Variants in AGXT2 observed in about 807,000 individuals in gnomAD.
The protein encoded by AGXT2 is alanine--glyoxylate aminotransferase 2, mitochondrial.
Under a neutral mutation model 62.5 loss-of-function variants are expected in AGXT2, and 61 were observed. The ratio of observed to expected loss-of-function variants is 0.98; its 90% CI spans 0.79 to 1.21. AGXT2 has a LOEUF of 1.21. Ranked by LOEUF, AGXT2 falls within the 50% of genes most tolerant of loss-of-function variation. The pLI, the probability that AGXT2 is intolerant of heterozygous loss-of-function variation, is 0.00. For missense variants in AGXT2, 666 were observed against 641.5 expected (o/e 1.04, Z -0.41); for synonymous variants, 243 against 218.7 (o/e 1.11, Z -0.98).
At chr5:35,029,500 C>T (rs1767483310) in intron 7 of AGXT2, among the ~76,000 whole-genome samples, 1 of 152,184 alleles carries the variant, frequency 6.6e-6, no homozygotes, top group East Asian at 1.9e-4. Flanking sequence ...TGCATTGACT[C>T]ATTGATGTAA....
At chr5:35,016,428 TAAG>T (rs2112210160) in intron 9 of AGXT2, among the ~76,000 whole-genome samples, 1 of 152,286 alleles carries the variant, frequency 6.6e-6, no homozygotes, top group South Asian at 2.1e-4. Flanking sequence ...CCTGAGGAGA[TAAG>T]AAGGATGAAC....
At chr5:35,026,633 G>A (rs1767364972) in intron 7 of AGXT2, 123 bp from the exon 8 acceptor site, 5 of 1,026,844 alleles carry the variant, frequency 4.9e-6, no homozygotes, top group Admixed American at 2.2e-5. Context: ...GTTAATCAGG[G>A]ACTTCAGAAT....
intron 12 of AGXT2, among the ~76,000 whole-genome samples, chr5:35,007,536 T>A (rs903447701): frequency 1.2e-4 from 19 of 152,142 alleles, no homozygotes; most frequent in African/African-American, 1.9e-4. Flanking sequence ...GGGAGAATAC[T>A]GTGTTCCATG....
chr5:35,047,887 A>G lies in AGXT2; in HGVS notation c.6T>C (p.Thr2=), dbSNP rs775704074. 2.5e-6 allele frequency: 4 copies of G among 1,613,900 alleles called. No homozygotes were observed. Among genetic ancestry groups the G allele is most frequent in the African/African-American group, 1.3e-5 (1 of 74,880 alleles). Residue 2 remains threonine (T), a synonymous_variant, in exon 1 of 14, where the codon ACT becomes ACC. Coordinates refer to ENST00000231420, the MANE Select transcript of AGXT2 (RefSeq NM_031900.4). M[T]LIWRHLLRPL... ...GTCTCAGCAAATGTCTCCAGATTAG[A>G]GTCATTTCTCCCACTCAGAAAGCCA... is the stretch of plus-strand genomic sequence containing the variant.
intron 7 of AGXT2, among the ~76,000 whole-genome samples, chr5:35,027,755 G>GCTT (rs1408795703): frequency 6.6e-6 from 1 of 151,028 alleles, no homozygotes; most frequent in African/African-American, 2.4e-5. Context: ...TGAGTTTGCA[G>GCTT]CTTCCAAGTG....
At chr5:35,017,323 T>C (rs972509623) in intron 9 of AGXT2, among the ~76,000 whole-genome samples, 2 of 152,160 alleles carry the variant, frequency 1.3e-5, no homozygotes, top group Non-Finnish European at 2.9e-5. Flanking sequence ...CATTCACTTA[T>C]ATTTAAAATG....
intron 7 of AGXT2, among the ~76,000 whole-genome samples, chr5:35,029,563 G>A (rs1015146457): frequency 6.6e-6 from 1 of 152,246 alleles, no homozygotes; most frequent in African/African-American, 2.4e-5. Flanking sequence ...ACCCCAAGCG[G>A]GTGGAGACAG....
rs752126134 is a variant in AGXT2 at position 35,010,005 on chromosome 5, C to T, written c.1333G>A (p.Asp445Asn). Residue 445 changes from aspartate (D) to asparagine (N), a missense_variant, in exon 12 of 14, where the codon GAT (aspartate) becomes AAT (asparagine). Physicochemically the swap from Asp to Asn is conservative, Grantham distance 23. Coordinates refer to ENST00000231420, the MANE Select transcript of AGXT2 (RefSeq NM_031900.4). ...AGGGGCAGATTAGCACCTACCTTAT[C>T]CTGCACCATTTCTATGCCTATCATG... ...GLMIGIEMVQ[D>N]KISCRPLPRE... 7 of 1,614,204 alleles carry T rather than the reference C, an allele frequency of 4.3e-6. No individual in the cohort carries two copies. The highest frequency in any genetic ancestry group is 5.9e-6 in the Non-Finnish European group (7 of 1,180,034).
rs1306100938 is a variant in AGXT2, at chr5:34,999,903, GC to G, written c.1438-1078del. Among the ~76,000 whole-genome samples, 6 of 152,026 alleles carry G rather than the reference GC, an allele frequency of 3.9e-5. No homozygotes were observed. In the South Asian group the frequency reaches 6.2e-4, roughly 16 times the overall value. On this transcript the variant is annotated intron_variant, in intron 13 of 13. Transcript: ENST00000231420. ...TCCCATCTCCTTCACTCCAGGAAAC[GC>G]CCCTTCAACTTCCCCTTAGCCTATA... is the stretch of plus-strand genomic sequence containing the variant.
At chr5:35,013,771 A>G (rs1394915868) in intron 10 of AGXT2, among the ~76,000 whole-genome samples, 1 of 138,774 alleles carries the variant, frequency 7.2e-6, no homozygotes, top group East Asian at 2.0e-4. Flanking sequence ...TGACAGAGCA[A>G]GACTCTGTCT....
chr5:35,033,423 G>A (rs748094343), intron 6 of AGXT2, 37 bp downstream of exon 6: 2 of 1,483,488 alleles, frequency 1.3e-6, no homozygotes, highest in Non-Finnish European at 1.9e-6. Flanking sequence ...ATACCCAGCA[G>A]TCTTTAAAGA....
At chr5:35,045,768 T>C (rs886526633) in intron 1 of AGXT2, among the ~76,000 whole-genome samples, 7 of 38,050 alleles carry the variant, frequency 1.8e-4, no homozygotes, top group Admixed American at 4.7e-4. Flanking sequence ...TTTTTTCTTT[T>C]TTTTTTTTTT....
At chr5:35,020,976 G>T (rs1406028435) in intron 9 of AGXT2, among the ~76,000 whole-genome samples, 1 of 152,168 alleles carries the variant, frequency 6.6e-6, no homozygotes. Flanking sequence ...ATTCACAATT[G>T]CTTCAAAGAG....
At position 35,026,425 on chromosome 5, in the gene AGXT2, G is replaced by T. The variant is rs533299831; in HGVS notation, c.855C>A (p.Phe285Leu). 6.2e-7 allele frequency: 1 copy of T among 1,613,928 alleles called. No homozygotes were observed. Among genetic ancestry groups the T allele is most frequent in the Non-Finnish European group, 8.5e-7 (1 of 1,179,882 alleles). ...ATATACCCACTTGAATAGGTTCTGC[G>T]AAAAATCCAGCAATTGACTTGGCCA... is the stretch of plus-strand genomic sequence containing the variant. ...TSVAKSIAGF[F>L]AEPIQGVNGV... The change falls in exon 8 of 14, where the codon TTC (phenylalanine) becomes TTA (leucine). Residue 285 changes from phenylalanine (F) to leucine (L), a missense_variant. Transcript: ENST00000231420.
intron 7 of AGXT2, 131 bp downstream of exon 7, chr5:35,032,601 G>C (rs900878436): frequency 2.4e-6 from 2 of 847,320 alleles, no homozygotes; most frequent in African/African-American, 3.4e-5. Flanking sequence ...TTACTTTCCA[G>C]TTTTGCTTCC....
intron 4 of AGXT2, among the ~76,000 whole-genome samples, chr5:35,035,602 G>GGGA (rs2307663): frequency 0.94 from 142,499 of 152,040 alleles, 67,265 homozygotes; most frequent in Non-Finnish European, 1. Flanking sequence ...AAAATGCCAA[G>GGGA]GGAGACTTGC....
chr5:35,047,311 C>T (rs1180867614), intron 1 of AGXT2, among the ~76,000 whole-genome samples: 1 of 152,134 alleles, frequency 6.6e-6, no homozygotes, highest in Non-Finnish European at 1.5e-5. Context: ...GGCATGGTGG[C>T]ATGTGCCTAT....
At chr5:35,016,893 G>T (rs570412836) in intron 9 of AGXT2, among the ~76,000 whole-genome samples, 2 of 152,350 alleles carry the variant, frequency 1.3e-5, no homozygotes, top group Middle Eastern at 6.8e-3. Context: ...AGAAGCATAT[G>T]TTAGGGACAG....
intron 13 of AGXT2, among the ~76,000 whole-genome samples, chr5:35,001,728 A>T (rs996264073): frequency 6.6e-6 from 1 of 152,014 alleles, no homozygotes; most frequent in African/African-American, 2.4e-5. Flanking sequence ...AGTTCTTTGT[A>T]CTCTGCCACA....
Sources: allele counts gnomAD v4.1 joint callset (sites outside exome capture counted in the v4.1 genomes callset), GRCh38; gene constraint gnomAD v4.1.1; transcripts MANE v1.5; gene names NCBI Gene and HGNC (gene_info 2026-07-23, HGNC 2026-07-21).